The following IQANK1 variants were observed in gnomAD, a reference collection of about 807,000 sequenced individuals.
IQANK1 encodes the protein IQ motif and ankyrin repeat containing 1.
A neutral mutation model predicts 22.6 loss-of-function variants in IQANK1; 30 were observed. The ratio of observed to expected loss-of-function variants is 1.33; its 90% CI spans 0.99 to 1.80. IQANK1 has a LOEUF of 1.80. IQANK1 is among the 40% of genes most tolerant of loss of function. The pLI, the probability that IQANK1 is intolerant of heterozygous loss-of-function variation, is 0.00. For missense variants in IQANK1, 275 were observed against 235.2 expected (o/e 1.17, Z -1.11); for synonymous variants, 122 against 99.6 (o/e 1.23, Z -1.34).
chr8:143,789,604 C>T (rs1819977660), intron 10 of IQANK1, 76 bp downstream of exon 10: 1 of 1,227,722 alleles, frequency 8.1e-7, no homozygotes, highest in Non-Finnish European at 1.0e-6. Context: ...CCCAGAGCTC[C>T]CCGCTCCCAG....
At chr8:143,748,868 A>C (rs1563770507) in intron 3 of IQANK1, among the ~76,000 whole-genome samples, 1 of 98,646 alleles carries the variant, frequency 1.0e-5, no homozygotes, top group African/African-American at 7.3e-5. Context: ...TCATATATAA[A>C]TATATAAATA....
In IQANK1 at chr8:143,763,294, G is replaced by A. The variant is rs538673344; in HGVS notation, c.176-8194G>A. On this transcript the variant is annotated intron_variant, in intron 3 of 13. Transcript: ENST00000527139. Reference sequence around the variant, plus strand: ...CTCCCAAAGTGCTGGGATTACAGGCGTGAGCCACCGTGCCCGGCCTGGCTT... The same window carrying A: ...CTCCCAAAGTGCTGGGATTACAGGCATGAGCCACCGTGCCCGGCCTGGCTT... Among the ~76,000 whole-genome samples the A allele has an allele frequency of 3.8e-3, 581 of 152,338 alleles. 3 individuals are homozygous for A. The highest frequency in any genetic ancestry group is 0.011 in the South Asian group (54 of 4,832).
At chr8:143,789,622 G>A in intron 10 of IQANK1, 94 bp downstream of exon 10, 2 of 1,223,714 alleles carry the variant, frequency 1.6e-6, no homozygotes, top group Non-Finnish European at 2.0e-6. Context: ...CAGGCCTGGG[G>A]TTTTTCCCTC....
At chr8:143,785,563 T>A (rs1554631270) in intron 7 of IQANK1, among the ~76,000 whole-genome samples, 1 of 151,582 alleles carries the variant, frequency 6.6e-6, no homozygotes, top group African/African-American at 2.4e-5. Flanking sequence ...GCCTTTTTTA[T>A]TTTTTATTTT....
At chr8:143,736,290 C>T (rs1303310780) in intron 2 of IQANK1, among the ~76,000 whole-genome samples, 1 of 152,116 alleles carries the variant, frequency 6.6e-6, no homozygotes, top group African/African-American at 2.4e-5. Context: ...TGGACGTGCG[C>T]CACCACGCCC....
chr8:143,769,315 C>T (rs1819531712), intron 3 of IQANK1, among the ~76,000 whole-genome samples: 1 of 151,992 alleles, frequency 6.6e-6, no homozygotes, highest in South Asian at 2.1e-4. Context: ...CCACCTTAGC[C>T]TCCCAAAGTG....
At position 143,743,149 on chromosome 8, in the gene IQANK1, G is replaced by A. The variant is rs560926448; in HGVS notation, c.175+3201G>A. On this transcript the variant is annotated intron_variant, in intron 3 of 13. Coordinates refer to ENST00000527139, the MANE Select transcript of IQANK1 (RefSeq NM_001381874.1). ...AGGCTGACGTCGAGGAAAGCCAGCC[G>A]TGCTGTGGGTTTCCTTCCCTCTGGC... The A allele has an allele frequency of 6.0e-4, 250 of 416,062 alleles. 1 individual carries two copies. Among genetic ancestry groups the A allele is most frequent in the South Asian group, 1.6e-3 (96 of 59,950 alleles). 25.8% of individuals were successfully genotyped at this position (416,062 alleles called of 1,614,324 possible). A position where few individuals can be genotyped will look rare whatever the true frequency, so the allele number is the denominator to read the frequency against.
rs573569228 is a variant in IQANK1 at position 143,748,479 on chromosome 8, TATAA to T, written c.175+8535_175+8538del. On this transcript the variant is annotated intron_variant, in intron 3 of 13. Transcript: ENST00000527139. The stretch of plus-strand genomic sequence containing the variant: ...ATATAAATATACATGATATATAATA[TATAA>T]ATATAGATGATATATATGATATATA... 5.6e-3 allele frequency among the ~76,000 whole-genome samples: 786 copies of T among 141,050 alleles called. 11 individuals are homozygous for T. Among genetic ancestry groups the T allele is most frequent in the African/African-American group, 0.019 (725 of 38,406 alleles). 92.5% of individuals were successfully genotyped at this position (141,050 alleles called of 152,430 possible).
chr8:143,790,168 G>A lies in IQANK1; in HGVS notation c.1321G>A (p.Ala441Thr). The A allele has an allele frequency of 8.1e-7, 1 of 1,232,092 alleles. No individual in the cohort carries two copies. Among genetic ancestry groups the A allele is most frequent in the Non-Finnish European group, 1.0e-6 (1 of 988,020 alleles). 76.3% of individuals were successfully genotyped at this position (1,232,092 alleles called of 1,614,324 possible). ...TCTTGTTATTGACCCTTTGGGCCAG[G>A]CGGCCACCTTCCTGCGCTACCAGGA... ...WPLVIDPLGQ[A>T]ATFLRYQDTN... Residue 441 changes from alanine (A) to threonine (T), a missense_variant, in exon 13 of 14, where the codon GCG becomes ACG. Transcript: ENST00000527139.
At chr8:143,776,050 G>A (rs968994518) in intron 7 of IQANK1, among the ~76,000 whole-genome samples, 3 of 151,964 alleles carry the variant, frequency 2.0e-5, no homozygotes, top group African/African-American at 4.8e-5. Context: ...GGCCGGGCGC[G>A]GCGGCTCACG....
chr8:143,773,682 C>T (rs576573106), intron 7 of IQANK1, among the ~76,000 whole-genome samples: 82 of 152,270 alleles, frequency 5.4e-4, no homozygotes, highest in African/African-American at 1.9e-3. Flanking sequence ...GGACCCACCC[C>T]CAGACTCTCC....
chr8:143,763,233 C>T (rs1554628991), intron 3 of IQANK1, among the ~76,000 whole-genome samples: 3 of 152,134 alleles, frequency 2.0e-5, no homozygotes, highest in Admixed American at 1.3e-4. Context: ...CCAGGCTGGT[C>T]TCAAAGTCCT....
chr8:143,762,825 A>G (rs1167247859), intron 3 of IQANK1, among the ~76,000 whole-genome samples: 1 of 152,212 alleles, frequency 6.6e-6, no homozygotes, highest in African/African-American at 2.4e-5. Flanking sequence ...TTCTATTGAA[A>G]TAAAACTGGA....
intron 2 of IQANK1, 86 bp from the exon 3 acceptor site, chr8:143,739,773 C>A: frequency 1.7e-6 from 1 of 601,484 alleles, no homozygotes. Context: ...GACGCACGGC[C>A]CTTTCGGTGC....
At position 143,786,576 on chromosome 8, in the gene IQANK1, C is replaced by T. The variant is rs117489678; in HGVS notation, c.790-2339C>T. 2.6e-3 allele frequency among the ~76,000 whole-genome samples: 396 copies of T among 152,268 alleles called. 1 individual carries two copies. The highest frequency in any genetic ancestry group is 0.01 in the Middle Eastern group (3 of 294). On this transcript the variant is annotated intron_variant, in intron 7 of 13. Transcript: ENST00000527139. ...ATGCTAATGTACGAATTAGCTCATCCGTTCATGATTAGCCCAGCCACTGGA... is the reference window on the plus strand; with the variant it reads ...ATGCTAATGTACGAATTAGCTCATCTGTTCATGATTAGCCCAGCCACTGGA...
intron 2 of IQANK1, chr8:143,739,542 C>A: frequency 3.4e-6 from 1 of 292,710 alleles, no homozygotes; most frequent in Non-Finnish European, 6.3e-6. Flanking sequence ...GGCCAGCAGG[C>A]GGCACTGCCA....
At chr8:143,746,426 A>G (rs60604263) in intron 3 of IQANK1, 9,075 of 152,312 alleles carry the variant, frequency 0.06, 549 homozygotes, top group African/African-American at 0.16. Flanking sequence ...TCTGTCACCC[A>G]GGCTGGAGTG....
At chr8:143,742,363 G>A (rs1554626656) in intron 3 of IQANK1, 1 of 455,836 alleles carries the variant, frequency 2.2e-6, no homozygotes, top group Admixed American at 2.3e-5. Context: ...CAGCATGCGG[G>A]GGAGGTCAGG....
chr8:143,781,848 TA>T, intron 7 of IQANK1, among the ~76,000 whole-genome samples: 1 of 152,328 alleles, frequency 6.6e-6, no homozygotes, highest in South Asian at 2.1e-4. Flanking sequence ...GTTCTGTGAA[TA>T]AAATGCTTGG....
Sources: gnomAD v4.1 joint callset for allele counts (sites outside exome capture counted in the v4.1 genomes callset) on GRCh38, gnomAD v4.1.1 for gene constraint, MANE v1.5 for transcripts, NCBI Gene and HGNC (gene_info 2026-07-23, HGNC 2026-07-21) for gene names.